The following LMLN variants were observed in gnomAD, a reference collection of about 807,000 sequenced individuals.
LMLN encodes leishmanolysin-like peptidase.
In LMLN, 70 loss-of-function variants were observed where a neutral mutation model predicts 92.3. The ratio of observed to expected loss-of-function variants is 0.76; its 90% CI spans 0.63 to 0.92. The LOEUF (loss-of-function observed/expected upper bound fraction) is 0.92, where lower values mean the gene tolerates loss of function less well. Ranked by LOEUF, LMLN falls within the 40% of genes least tolerant of loss-of-function variation. The pLI is 0.00. For synonymous variants in LMLN, 308 were observed against 296.2 expected (o/e 1.04, Z -0.41); for missense variants, 691 against 814.6 (o/e 0.85, Z 1.85).
chr3:198,021,349 T>C (rs1458183032), intron 12 of LMLN, 97 bp from the exon 14 acceptor site: 7 of 961,548 alleles, frequency 7.3e-6, no homozygotes, highest in Non-Finnish European at 9.8e-6. Context: ...TCTTGTGTTA[T>C]GTGGCATTAA....
chr3:197,967,581 A>G (rs1446185293), intron 1 of LMLN, among the ~76,000 whole-genome samples: 2 of 152,238 alleles, frequency 1.3e-5, no homozygotes, highest in African/African-American at 2.4e-5. Flanking sequence ...GGGCGAAATC[A>G]AAAACTCCTG....
At chr3:197,977,787 C>T (rs770141694) in intron 5 of LMLN, among the ~76,000 whole-genome samples, 10 of 150,930 alleles carry the variant, frequency 6.6e-5, no homozygotes, top group Non-Finnish European at 1.0e-4. Flanking sequence ...AGTATACACA[C>T]GTTAAATCTG....
At chr3:198,030,478 C>T (rs1223131850) in intron 14 of LMLN, among the ~76,000 whole-genome samples, 1 of 152,212 alleles carries the variant, frequency 6.6e-6, no homozygotes, top group Admixed American at 6.5e-5. Context: ...AGCACTAATT[C>T]AATTCTAAGC....
intron 11 of LMLN, among the ~76,000 whole-genome samples, chr3:198,018,723 G>T (rs758891325): frequency 3.3e-5 from 5 of 152,100 alleles, no homozygotes; most frequent in Non-Finnish European, 7.3e-5. Context: ...TGTTAGACCA[G>T]TATTAATAGG....
intron 1 of LMLN, among the ~76,000 whole-genome samples, chr3:197,960,842 G>A (rs1219211972): frequency 6.6e-6 from 1 of 152,108 alleles, no homozygotes; most frequent in Non-Finnish European, 1.5e-5. Flanking sequence ...CTTGTCCGGG[G>A]ACCACTTTAG....
intron 13 of LMLN, among the ~76,000 whole-genome samples, chr3:198,022,825 C>T (rs1201941523): frequency 6.6e-6 from 1 of 152,190 alleles, no homozygotes; most frequent in African/African-American, 2.4e-5. Context: ...TGCCCCTGCA[C>T]TCCAGCCTGG....
chr3:197,996,824 T>C (rs538552948), intron 10 of LMLN, among the ~76,000 whole-genome samples: 3 of 152,278 alleles, frequency 2.0e-5, no homozygotes, highest in African/African-American at 7.2e-5. Context: ...GCTGGAGTGC[T>C]GCAGCTATTC....
chr3:198,032,936 TCTTA>T (rs1723116812), intron 14 of LMLN, among the ~76,000 whole-genome samples: 2 of 152,190 alleles, frequency 1.3e-5, no homozygotes, highest in South Asian at 4.1e-4. Flanking sequence ...TGATTGTAGC[TCTTA>T]CTTCTTGGTA....
At chr3:197,964,355 G>T (rs1720987349) in intron 1 of LMLN, among the ~76,000 whole-genome samples, 1 of 149,976 alleles carries the variant, frequency 6.7e-6, no homozygotes, top group Admixed American at 6.6e-5. Context: ...TTGACACTTT[G>T]CATTTTAATT....
At chr3:198,022,359 G>C (rs1722805832) in intron 13 of LMLN, among the ~76,000 whole-genome samples, 1 of 152,238 alleles carries the variant, frequency 6.6e-6, no homozygotes, top group Admixed American at 6.5e-5. Context: ...TCTCACATCT[G>C]ATGTAAGAAA....
chr3:198,007,280 C>G (rs1194165454), intron 11 of LMLN, among the ~76,000 whole-genome samples: 2 of 152,004 alleles, frequency 1.3e-5, no homozygotes, highest in Non-Finnish European at 2.9e-5. Context: ...TGAAAGTTTT[C>G]TTATGTTTTT....
intron 13 of LMLN, among the ~76,000 whole-genome samples, chr3:198,022,026 G>A (rs563546454): frequency 5.3e-5 from 8 of 152,240 alleles, no homozygotes; most frequent in East Asian, 1.9e-4. Flanking sequence ...CCAGATAGGC[G>A]GATAGATACT....
At chr3:197,969,704 A>T (rs1041185872) in intron 1 of LMLN, among the ~76,000 whole-genome samples, 2 of 152,242 alleles carry the variant, frequency 1.3e-5, no homozygotes, top group African/African-American at 4.8e-5. Context: ...TCCAGTGACT[A>T]CAATATATGT....
chr3:197,988,361 G>T (rs541905465), intron 8 of LMLN, among the ~76,000 whole-genome samples: 1 of 150,238 alleles, frequency 6.7e-6, no homozygotes, highest in Non-Finnish European at 1.5e-5. Flanking sequence ...ATTATTATTC[G>T]ATTTCTTTAC....
At chr3:198,023,312 C>G (rs1315780483) in intron 13 of LMLN, among the ~76,000 whole-genome samples, 1 of 152,090 alleles carries the variant, frequency 6.6e-6, no homozygotes, top group Non-Finnish European at 1.5e-5. Context: ...GCCTCAGACT[C>G]CCCAGAGCCA....
Position 197,960,328 on chromosome 3 carries a change from G to A in LMLN, c.107G>A (p.Trp36Ter). ...CGGTGGCGCTGGAGCGGGTCTGTGT[G>A]GGTCCGAAGCGTTTTACTCCTGTTG... Residue 36 changes from tryptophan to a stop codon, truncating the protein, a stop_gained, in exon 1 of 16, where the codon TGG becomes TAG. Coordinates refer to ENST00000330198, the Ensembl canonical transcript of LMLN. LOFTEE classifies it high-confidence loss of function. The A allele has an allele frequency of 6.2e-7, 1 of 1,613,940 alleles. No homozygotes were observed. Among genetic ancestry groups the A allele is most frequent in the South Asian group, 1.1e-5 (1 of 91,082 alleles).
At chr3:197,994,786 T>C (rs1721971905) in intron 9 of LMLN, 1 of 152,214 alleles carries the variant, frequency 6.6e-6, no homozygotes. Flanking sequence ...ACAGCCATTA[T>C]GGAAAACTGG....
rs367548827 is a variant in LMLN at position 197,960,254 on chromosome 3, C to T, written c.33C>T (p.Ala11=). The T allele has an allele frequency of 5.0e-6, 8 of 1,611,614 alleles. No homozygotes were observed. The African/African-American group carries it at 9.3e-5, about 19-fold the overall frequency. Residue 11 remains alanine (A), a synonymous_variant, in exon 1 of 16, where the codon GCC becomes GCT. Transcript: ENST00000330198. ...CGACGCTCGGCCCGAAGATGGCGGCCGAATGGGGCGGAGGAGTGGGTTACT... is the reference window on the plus strand; with the variant it reads ...CGACGCTCGGCCCGAAGATGGCGGCTGAATGGGGCGGAGGAGTGGGTTACT...
At chr3:197,982,115 G>A (rs1036954286) in intron 6 of LMLN, among the ~76,000 whole-genome samples, 23 of 151,434 alleles carry the variant, frequency 1.5e-4, no homozygotes, top group African/African-American at 5.6e-4. Flanking sequence ...CTCAGCTCGT[G>A]TTTTGACCGA....
Sources: gnomAD v4.1 joint callset for allele counts (sites outside exome capture counted in the v4.1 genomes callset) on GRCh38, gnomAD v4.1.1 for gene constraint, MANE v1.5 for transcripts, NCBI Gene and HGNC (gene_info 2026-07-23, HGNC 2026-07-21) for gene names.